MFSD6: variants seen among roughly 807,000 people sequenced by gnomAD.
MFSD6 encodes major facilitator superfamily domain containing 6.
A neutral mutation model predicts 56.3 loss-of-function variants in MFSD6; 26 were observed. That is an observed-to-expected ratio of 0.46 (90% confidence interval 0.34 to 0.64). The LOEUF (loss-of-function observed/expected upper bound fraction) is 0.64. MFSD6 is among the 30% of genes least tolerant of loss of function. MFSD6 has a pLI of 0.01. For synonymous variants in MFSD6, 331 were observed against 366.9 expected, an observed-to-expected ratio of 0.90 and a Z score of 1.12; for missense variants, 750 against 986.2, an observed-to-expected ratio of 0.76 and a Z score of 3.21.
rs1689860206 is a variant in MFSD6, at chr2:190,498,865, C to T, written c.2172+1146C>T. ...TATGTTAGGATTAATAAATTTTTTTCTGGGCTGGGCATGGTGGCTTATGCC... is the reference window on the plus strand; with the variant it reads ...TATGTTAGGATTAATAAATTTTTTTTTGGGCTGGGCATGGTGGCTTATGCC... On this transcript the variant is annotated intron_variant, in intron 7 of 7. Coordinates refer to ENST00000392328, the MANE Select transcript of MFSD6 (RefSeq NM_017694.4). This position sits in a 1 kb window ranked among gnomAD's most constrained non-coding sequence, Gnocchi z 5.9. Among the ~76,000 whole-genome samples the T allele has an allele frequency of 6.6e-6, 1 of 151,912 alleles. No individual in the cohort carries two copies. Among genetic ancestry groups the T allele is most frequent in the Non-Finnish European group, 1.5e-5 (1 of 67,994 alleles).
At position 190,489,721 on chromosome 2, in the gene MFSD6, T is replaced by C; in HGVS notation, c.1793-47T>C. The C allele has an allele frequency of 1.3e-6, 2 of 1,542,066 alleles. No individual in the cohort carries two copies. The highest frequency in any genetic ancestry group is 1.8e-6 in the Non-Finnish European group (2 of 1,121,566). On this transcript the variant is annotated intron_variant, in intron 5 of 7. Coordinates refer to ENST00000392328, the MANE Select transcript of MFSD6 (RefSeq NM_017694.4). This position sits in a 1 kb window ranked among gnomAD's most constrained non-coding sequence, Gnocchi z 6.6. ...AACTGATGGTTTTAGATGAGCGCTA[T>C]CTGCATTTCTTGGAATTACTCTATA...
chr2:190,434,322 T>C lies in MFSD6; in HGVS notation c.-53-1655T>C, dbSNP rs534172280. ...ACAAGACCTTTTGACACTTTAATCA[T>C]TCAATCTTTAATAGAAGAAAGGGAA... is the stretch of plus-strand genomic sequence containing the variant. On this transcript the variant is annotated intron_variant, in intron 2 of 7. Transcript: ENST00000392328. This position sits in a 1 kb window ranked among gnomAD's most constrained non-coding sequence, Gnocchi z 4.3. Among the ~76,000 whole-genome samples the C allele has an allele frequency of 1.8e-4, 28 of 152,312 alleles. No homozygotes were observed. The highest frequency in any genetic ancestry group is 6.5e-4 in the African/African-American group (27 of 41,572).
rs1559148664 is a variant in MFSD6, at chr2:190,500,321, C to CA, written c.*104dup. The CA allele has an allele frequency of 8.6e-7, 1 of 1,163,718 alleles. No homozygotes were observed. The highest frequency in any genetic ancestry group is 2.5e-5 in the East Asian group (1 of 40,402). 72.1% of individuals were successfully genotyped at this position (1,163,718 alleles called of 1,614,324 possible). ...ATATGCCTCCCCTGGAGGAGCACAG[C>CA]ACTGCATATGCTTCTAAATATCTAA... On this transcript the variant is annotated 3_prime_UTR_variant, in exon 8 of 8. Transcript: ENST00000392328. This position sits in a 1 kb window ranked among gnomAD's most constrained non-coding sequence, Gnocchi z 5.3.
rs1054271045 is a variant in MFSD6, at chr2:190,413,840, G to A, written c.-175-1452G>A. 2.0e-5 allele frequency among the ~76,000 whole-genome samples: 3 copies of A among 152,206 alleles called. No homozygotes were observed. The highest frequency in any genetic ancestry group is 4.4e-5 in the Non-Finnish European group (3 of 68,038). ...GAGCCCTGCTATACTGTGGGGTGAAGAGGAGACATGGCAGTCAGGGCCCAG... is the reference window on the plus strand; with the variant it reads ...GAGCCCTGCTATACTGTGGGGTGAAAAGGAGACATGGCAGTCAGGGCCCAG... On this transcript the variant is annotated intron_variant, in intron 1 of 7. Coordinates refer to ENST00000392328, the MANE Select transcript of MFSD6 (RefSeq NM_017694.4). The surrounding 1 kb of genome is among the most constrained non-coding windows in gnomAD (Gnocchi z 4.1).
chr2:190,481,715 G>T (rs1688677205), intron 4 of MFSD6, among the ~76,000 whole-genome samples: 1 of 152,230 alleles, frequency 6.6e-6, no homozygotes. Context: ...ACTGTTGAAT[G>T]CATGAAGGGG....
At position 190,469,665 on chromosome 2, in the gene MFSD6, A is replaced by T. The variant is rs1188281022; in HGVS notation, c.1533-93A>T. The T allele has an allele frequency of 2.0e-5, 13 of 657,094 alleles. No individual in the cohort carries two copies. Among genetic ancestry groups the T allele is most frequent in the Non-Finnish European group, 2.8e-5 (13 of 460,314 alleles). 40.7% of individuals were successfully genotyped at this position (657,094 alleles called of 1,614,324 possible). On this transcript the variant is annotated intron_variant, in intron 3 of 7. Coordinates refer to ENST00000392328, the MANE Select transcript of MFSD6 (RefSeq NM_017694.4). The surrounding 1 kb of genome is among the most constrained non-coding windows in gnomAD (Gnocchi z 5.3). ...GAAGGAAAAGGTAGGTAATATTTGC[A>T]TGTTTTGTACACATATTAGATTGTA... is the stretch of plus-strand genomic sequence containing the variant.
In MFSD6 at chr2:190,436,541, A is replaced by G. The variant is rs751973544; in HGVS notation, c.512A>G (p.Asn171Ser). The G allele has an allele frequency of 1.5e-5, 24 of 1,614,088 alleles. No homozygotes were observed. The highest frequency in any genetic ancestry group is 1.6e-4 in the Middle Eastern group (1 of 6,084). ...ATTCGCCCAACAACTCACCCCACCA[A>G]TGCAAGTCACCAGTTAACTATCCTG... ...PKIRPTTHPTNASHQLTILPT... is the reference protein window; with the variant it reads ...PKIRPTTHPTSASHQLTILPT... The change falls in exon 3 of 8, where the codon AAT becomes AGT. Residue 171 changes from asparagine (N) to serine (S), a missense_variant. By Grantham distance (46) the Asn-to-Ser change is conservative (BLOSUM62 1). Transcript: ENST00000392328. This position sits in a 1 kb window ranked among gnomAD's most constrained non-coding sequence, Gnocchi z 5.3.
chr2:190,469,806 T>C lies in MFSD6; in HGVS notation c.1581T>C (p.Ile527=), dbSNP rs777437837. ...LACNTARYIY[I]SYLENAWTVL... ...GCAATACGGCTCGCTATATTTATAT[T>C]TCCTACCTGGAGAATGCCTGGACTG... The change falls in exon 4 of 8, where the codon ATT becomes ATC. Residue 527 remains isoleucine, a synonymous_variant. Transcript: ENST00000392328. This position sits in a 1 kb window ranked among gnomAD's most constrained non-coding sequence, Gnocchi z 5.3. The C allele has an allele frequency of 2.5e-6, 4 of 1,611,310 alleles. No individual in the cohort carries two copies. The highest frequency in any genetic ancestry group is 1.7e-4 in the Middle Eastern group (1 of 6,036).
chr2:190,436,893 C>T lies in MFSD6; in HGVS notation c.864C>T (p.Phe288=). 3 of 1,614,186 alleles carry T rather than the reference C, an allele frequency of 1.9e-6. No individual in the cohort carries two copies. Among genetic ancestry groups the T allele is most frequent in the Non-Finnish European group, 2.5e-6 (3 of 1,180,036 alleles). ...ATCAACAAGAAGTTGAAGCTATATTCTTGGTGATCTTGGTAGTTGTCATAA... is the reference window on the plus strand; with the variant it reads ...ATCAACAAGAAGTTGAAGCTATATTTTTGGTGATCTTGGTAGTTGTCATAA... ...VYDQQEVEAI[F]LVILVVVIIG... is the part of the protein sequence containing the mutation. The change falls in exon 3 of 8, where the codon TTC becomes TTT. Residue 288 remains phenylalanine (F), a synonymous_variant. Transcript: ENST00000392328. This position sits in a 1 kb window ranked among gnomAD's most constrained non-coding sequence, Gnocchi z 5.3.
chr2:190,436,597 A>T lies in MFSD6; in HGVS notation c.568A>T (p.Thr190Ser), dbSNP rs138079222. 2.1e-3 allele frequency: 3,452 copies of T among 1,614,082 alleles called. 58 individuals are homozygous for T. The African/African-American group carries it at 0.035, about 16-fold the overall frequency. ...AAATTCTTCCTTTACCTCTTTCCTC[A>T]CCATATCACCAAAAATGCGTGAGAA... Reference protein sequence around the residue: ...PTNSSFTSFLTISPKMREKRN... With the variant: ...PTNSSFTSFLSISPKMREKRN... Residue 190 changes from threonine to serine, a missense_variant, in exon 3 of 8, where the codon ACC becomes TCC. Physicochemically the swap from Thr to Ser is moderately conservative, Grantham distance 58 (BLOSUM62 1). Transcript: ENST00000392328. The surrounding 1 kb of genome is among the most constrained non-coding windows in gnomAD (Gnocchi z 5.3).
chr2:190,477,377 T>C, intron 4 of MFSD6: 1 of 978,952 alleles, frequency 1.0e-6, no homozygotes, highest in Non-Finnish European at 1.2e-6. Context: ...TAAATAAAGA[T>C]TTGTATACCT....
At chr2:190,493,144 A>G (rs780901319) in intron 6 of MFSD6, among the ~76,000 whole-genome samples, 1 of 152,032 alleles carries the variant, frequency 6.6e-6, no homozygotes. Context: ...GACTCGCCTA[A>G]CACATAGGAA....
chr2:190,482,868 C>CTTTTTTTTTTTTTTTTTTT lies in MFSD6; in HGVS notation c.1631-5772_1631-5754dup, dbSNP rs199927176. Reference sequence around the variant, plus strand: ...GGAGAAGAGTTATTAAGACTATCATCTTTTTTTTTTTTTTTTTTTTTTTTT... The same window carrying CTTTTTTTTTTTTTTTTTTT: ...GGAGAAGAGTTATTAAGACTATCATCTTTTTTTTTTTTTTTTTTTTTTTTTTTTTTTTTTTTTTTTTTTT... On this transcript the variant is annotated intron_variant, in intron 4 of 7. Coordinates refer to ENST00000392328, the MANE Select transcript of MFSD6 (RefSeq NM_017694.4). Among the ~76,000 whole-genome samples the CTTTTTTTTTTTTTTTTTTT allele has an allele frequency of 8.3e-5, 4 of 48,292 alleles. 1 individual carries two copies. The highest frequency in any genetic ancestry group is 7.0e-4 in the East Asian group (1 of 1,434). The allele number at this position is 48,292 out of a possible 152,430, so 31.7% of individuals were successfully genotyped here. A position where few individuals can be genotyped will look rare whatever the true frequency, so the allele number is the denominator to read the frequency against.
rs1046390610 is a variant in MFSD6, at chr2:190,437,481, C to G, written c.1452C>G (p.Val484=). The G allele has an allele frequency of 6.2e-7, 1 of 1,614,222 alleles. No homozygotes were observed. Among genetic ancestry groups the G allele is most frequent in the South Asian group, 1.1e-5 (1 of 91,082 alleles). ...DLNGTTTLFG[V]CSVLSHVSEL... ...ATGGAACTACAACCCTCTTTGGGGT[C>G]TGTTCAGTCCTGAGTCATGTGTCTG... Residue 484 remains valine, a synonymous_variant, in exon 3 of 8, where the codon GTC becomes GTG. Transcript: ENST00000392328. This position sits in a 1 kb window ranked among gnomAD's most constrained non-coding sequence, Gnocchi z 5.9.
rs1429826881 is a variant in MFSD6 at position 190,410,972 on chromosome 2, T to C, written c.-176+2469T>C. On this transcript the variant is annotated intron_variant, in intron 1 of 7. Transcript: ENST00000392328. The surrounding 1 kb of genome is among the most constrained non-coding windows in gnomAD (Gnocchi z 4.4). The stretch of plus-strand genomic sequence containing the variant: ...TCAGGGGGCTGAGGTAGAGAATTGC[T>C]TGAATCCGGGAGGTGGAGGTTGCAG... 1 of 207,162 alleles carries C rather than the reference T, an allele frequency of 4.8e-6. No individual in the cohort carries two copies. The highest frequency in any genetic ancestry group is 2.4e-5 in the African/African-American group (1 of 42,150). 12.8% of individuals were successfully genotyped at this position (207,162 alleles called of 1,614,324 possible). A position where few individuals can be genotyped will look rare whatever the true frequency, so the allele number is the denominator to read the frequency against.
rs1472708353 is a variant in MFSD6 at position 190,410,373 on chromosome 2, C to T, written c.-176+1870C>T. ...TAGAGTTAAATTTGACCTCATGTTT[C>T]TGGCTCCAAAGCCCAGGAAATTTCC... On this transcript the variant is annotated intron_variant, in intron 1 of 7. Transcript: ENST00000392328. This position sits in a 1 kb window ranked among gnomAD's most constrained non-coding sequence, Gnocchi z 4.4. Among the ~76,000 whole-genome samples, 2 of 152,180 alleles carry T rather than the reference C, an allele frequency of 1.3e-5. No homozygotes were observed. Among genetic ancestry groups the T allele is most frequent in the African/African-American group, 4.8e-5 (2 of 41,436 alleles).
rs1689141448 is a variant in MFSD6 at position 190,488,423 on chromosome 2, T to G, written c.1631-234T>G. 1.3e-5 allele frequency among the ~76,000 whole-genome samples: 2 copies of G among 152,180 alleles called. No individual in the cohort carries two copies. The highest frequency in any genetic ancestry group is 2.4e-5 in the African/African-American group (1 of 41,442). ...GGTTTAAGGGGTACAGAATTTTTGT[T>G]GTGGTGGTGAAAAAGTTCTGGAGAT... is the stretch of plus-strand genomic sequence containing the variant. On this transcript the variant is annotated intron_variant, in intron 4 of 7. Transcript: ENST00000392328. This position sits in a 1 kb window ranked among gnomAD's most constrained non-coding sequence, Gnocchi z 6.4.
chr2:190,457,280 G>T lies in MFSD6; in HGVS notation c.1533-12478G>T, dbSNP rs1170613621. Among the ~76,000 whole-genome samples, 6 of 152,216 alleles carry T rather than the reference G, an allele frequency of 3.9e-5. No homozygotes were observed. The East Asian group carries it at 1.2e-3, about 29-fold the overall frequency. On this transcript the variant is annotated intron_variant, in intron 3 of 7. Coordinates refer to ENST00000392328, the MANE Select transcript of MFSD6 (RefSeq NM_017694.4). The surrounding 1 kb of genome is among the most constrained non-coding windows in gnomAD (Gnocchi z 5.1). Reference sequence around the variant, plus strand: ...CACCCCTGTGGCCCTCTCCTTCCTTGTCTCTGTGAAAAGAGCGAGCTGGAT... The same window carrying T: ...CACCCCTGTGGCCCTCTCCTTCCTTTTCTCTGTGAAAAGAGCGAGCTGGAT...
rs536329796 is a variant in MFSD6, at chr2:190,488,240, A to G, written c.1631-417A>G. On this transcript the variant is annotated intron_variant, in intron 4 of 7. Transcript: ENST00000392328. The surrounding 1 kb of genome is among the most constrained non-coding windows in gnomAD (Gnocchi z 6.4). ...AAATCAAAGACTCAGATACTTGCAT[A>G]CCAGGTTGATAGCAGCATTAATCAA... 4.0e-4 allele frequency among the ~76,000 whole-genome samples: 61 copies of G among 152,326 alleles called. No individual in the cohort carries two copies. Among genetic ancestry groups the G allele is most frequent in the African/African-American group, 1.3e-3 (56 of 41,564 alleles).
Sources: gnomAD v4.1 joint callset for allele counts (sites outside exome capture counted in the v4.1 genomes callset) on GRCh38, gnomAD v4.1.1 for gene constraint, Gnocchi (gnomAD v3.1) non-coding constraint, MANE v1.5 for transcripts, NCBI Gene and HGNC (gene_info 2026-07-23, HGNC 2026-07-21) for gene names.